The following ILKAP variants were observed in gnomAD, a reference collection of about 807,000 sequenced individuals.
The protein encoded by ILKAP is integrin-linked kinase-associated serine/threonine phosphatase 2C.
Under a neutral mutation model 49.1 loss-of-function variants are expected in ILKAP, and 11 were observed. The ratio of observed to expected loss-of-function variants is 0.22; its 90% CI spans 0.14 to 0.37. The LOEUF (loss-of-function observed/expected upper bound fraction) is 0.37. ILKAP is among the 10% of genes least tolerant of loss of function. The probability of loss-of-function intolerance (pLI) is 1.00; values close to 1 mark genes in which losing one functional copy is unlikely to be tolerated. For synonymous variants in ILKAP, 186 were observed against 192.8 expected, an observed-to-expected ratio of 0.96 and a Z score of 0.29; for missense variants, 363 against 510.8, an observed-to-expected ratio of 0.71 and a Z score of 2.79.
At chr2:238,174,259 G>T (rs1295039483) in intron 9 of ILKAP, among the ~76,000 whole-genome samples, 20 of 152,178 alleles carry the variant, frequency 1.3e-4, no homozygotes, top group Admixed American at 1.3e-3. Context: ...ATATGGAGGA[G>T]ATGGGGCAGT....
chr2:238,200,502 T>C (rs945091509), intron 1 of ILKAP, among the ~76,000 whole-genome samples: 2 of 152,206 alleles, frequency 1.3e-5, no homozygotes, highest in Non-Finnish European at 2.9e-5. Flanking sequence ...CATTTAAGAC[T>C]GCGTTTTTCC....
chr2:238,199,388 T>C (rs1694478665), intron 1 of ILKAP, among the ~76,000 whole-genome samples: 1 of 152,232 alleles, frequency 6.6e-6, no homozygotes, highest in Non-Finnish European at 1.5e-5. Context: ...AAACACTTTA[T>C]GAGAAAGTCT....
intron 6 of ILKAP, 139 bp from the exon 7 acceptor site, chr2:238,184,252 C>T (rs12623230): frequency 0.068 from 41,147 of 608,188 alleles, 1,940 homozygotes; most frequent in South Asian, 0.15. Context: ...TGCAGTGGCG[C>T]GATCTCAGCT....
chr2:238,184,196 G>A, intron 6 of ILKAP, 83 bp from the exon 7 acceptor site: 1 of 874,134 alleles, frequency 1.1e-6, no homozygotes, highest in East Asian at 2.4e-5. Flanking sequence ...TTTGTTTTTT[G>A]TTTTATTTTT....
intron 5 of ILKAP, among the ~76,000 whole-genome samples, chr2:238,187,746 G>A (rs1305387544): frequency 6.6e-6 from 1 of 152,194 alleles, no homozygotes; most frequent in Non-Finnish European, 1.5e-5. Context: ...TTGCTGGTAA[G>A]GAGTAACACA....
At chr2:238,195,619 T>C (rs959764780) in intron 1 of ILKAP, among the ~76,000 whole-genome samples, 2 of 152,198 alleles carry the variant, frequency 1.3e-5, no homozygotes, top group Non-Finnish European at 2.9e-5. Flanking sequence ...TTTAAGCTAT[T>C]AGATATCTGA....
intron 3 of ILKAP, among the ~76,000 whole-genome samples, chr2:238,193,067 T>C (rs1694205527): frequency 6.6e-6 from 1 of 152,210 alleles, no homozygotes; most frequent in Non-Finnish European, 1.5e-5. Flanking sequence ...AGACCCAAGA[T>C]TATATATCCA....
In ILKAP at chr2:238,172,570, G is replaced by A. The variant is rs569994524; in HGVS notation, c.956+964C>T. Among the ~76,000 whole-genome samples, 9 of 152,336 alleles carry A rather than the reference G, an allele frequency of 5.9e-5. No homozygotes were observed. The South Asian group carries it at 6.2e-4, about 11-fold the overall frequency. ...GTGCATCCTTCAGAACACCAGAGGC[G>A]GCGGCTGCTGGAGAGATGATGGAGG... On this transcript the variant is annotated intron_variant, in intron 10 of 11. Coordinates refer to ENST00000254654, the MANE Select transcript of ILKAP (RefSeq NM_030768.3).
Position 238,194,821 on chromosome 2 carries a change from G to A in ILKAP, c.105C>T (p.Ala35=), listed in dbSNP as rs749809195. The A allele has an allele frequency of 6.2e-7, 1 of 1,614,118 alleles. No individual in the cohort carries two copies. Among genetic ancestry groups the A allele is most frequent in the South Asian group, 1.1e-5 (1 of 91,080 alleles). ...GPLLFDDLPP[A]SSTDSGSGGP... ...AGACTGTACCTGAGTCAGTACTGCT[G>A]GCCGGAGGGAGGTCATCAAAGAGCA... The change falls in exon 2 of 12, where the codon GCC becomes GCT. Residue 35 remains alanine (A), a synonymous_variant. Transcript: ENST00000254654.
chr2:238,179,778 C>T (rs1438150568), intron 9 of ILKAP, among the ~76,000 whole-genome samples: 1 of 152,216 alleles, frequency 6.6e-6, no homozygotes, highest in Non-Finnish European at 1.5e-5. Flanking sequence ...TTACACCTAA[C>T]TTCCAGTTTA....
chr2:238,171,059 G>A (rs780154362), intron 10 of ILKAP, 35 bp from the exon 11 acceptor site: 10 of 1,442,968 alleles, frequency 6.9e-6, no homozygotes, highest in East Asian at 4.6e-5. Context: ...ACGGGTTTTA[G>A]GCCCAACCAA....
At chr2:238,197,906 G>GA (rs1040264614) in intron 1 of ILKAP, among the ~76,000 whole-genome samples, 2 of 152,112 alleles carry the variant, frequency 1.3e-5, no homozygotes, top group Admixed American at 6.5e-5. Context: ...ATTTACCGAT[G>GA]AAAAAACTGA....
intron 9 of ILKAP, among the ~76,000 whole-genome samples, chr2:238,174,165 A>G (rs1403194470): frequency 2.0e-5 from 3 of 152,246 alleles, no homozygotes; most frequent in Non-Finnish European, 4.4e-5. Flanking sequence ...CTTTGCATCA[A>G]GTACAGGTAC....
intron 1 of ILKAP, among the ~76,000 whole-genome samples, chr2:238,201,852 G>A (rs1694583175): frequency 6.6e-6 from 1 of 152,188 alleles, no homozygotes; most frequent in Non-Finnish European, 1.5e-5. Flanking sequence ...AGCTAAAACC[G>A]TGGTTATTTT....
intron 9 of ILKAP, among the ~76,000 whole-genome samples, chr2:238,176,489 G>A (rs1422032470): frequency 1.3e-5 from 2 of 152,290 alleles, no homozygotes; most frequent in Non-Finnish European, 1.5e-5. Flanking sequence ...CTTGGTACCA[G>A]CCCTCATTAG....
intron 4 of ILKAP, among the ~76,000 whole-genome samples, chr2:238,189,448 G>A (rs141068417): frequency 2.0e-5 from 3 of 152,234 alleles, no homozygotes; most frequent in East Asian, 1.9e-4. Flanking sequence ...AAATTTCAAC[G>A]GCTTTTTCCA....
At chr2:238,183,590 T>C (rs1250422508) in intron 8 of ILKAP, 63 bp downstream of exon 8, 5 of 1,136,208 alleles carry the variant, frequency 4.4e-6, no homozygotes, top group Non-Finnish European at 6.6e-6. Context: ...AACAAGTACG[T>C]GCTAAAGTCT....
intron 9 of ILKAP, among the ~76,000 whole-genome samples, chr2:238,174,436 C>A (rs6722284): frequency 0.09 from 13,639 of 152,226 alleles, 1,129 homozygotes; most frequent in African/African-American, 0.22. Flanking sequence ...AAAGGCAAGG[C>A]AGAGAACCAT....
intron 2 of ILKAP, 74 bp downstream of exon 2, chr2:238,194,731 A>G: frequency 6.9e-7 from 1 of 1,442,714 alleles, no homozygotes; most frequent in Non-Finnish European, 9.7e-7. Flanking sequence ...GGAAAGGGAA[A>G]AAGATTGAGA....
Sources: gnomAD v4.1 joint callset for allele counts (sites outside exome capture counted in the v4.1 genomes callset) on GRCh38, gnomAD v4.1.1 for gene constraint, MANE v1.5 for transcripts, NCBI Gene and HGNC (gene_info 2026-07-23, HGNC 2026-07-21) for gene names.